Variants in TEK observed in about 807,000 individuals in gnomAD.
TEK encodes TEK receptor tyrosine kinase, also known as angiopoietin-1 receptor.
A neutral mutation model predicts 131.8 loss-of-function variants in TEK; 43 were observed. That is an observed-to-expected ratio of 0.33 (90% confidence interval 0.26 to 0.42). The LOEUF (loss-of-function observed/expected upper bound fraction) is 0.42. TEK is among the 10% of genes least tolerant of loss of function. The pLI is 1.00. For missense variants in TEK, 1,162 were observed against 1,384.4 expected (o/e 0.84, Z 2.55); for synonymous variants, 580 against 491.6 (o/e 1.18, Z -2.38).
chr9:27,192,874 C>G (rs912073864), intron 11 of TEK, among the ~76,000 whole-genome samples: 3 of 152,134 alleles, frequency 2.0e-5, no homozygotes, highest in Non-Finnish European at 4.4e-5. Context: ...TCTGTAGGGA[C>G]AGAGAAGGAA....
intron 3 of TEK, 98 bp downstream of exon 3, chr9:27,168,703 T>A: frequency 1.0e-6 from 1 of 963,170 alleles, no homozygotes; most frequent in South Asian, 1.4e-5. Context: ...TGTGGGCAGA[T>A]GTTTGAATTA....
At chr9:27,182,291 C>T (rs1321959224) in intron 7 of TEK, among the ~76,000 whole-genome samples, 2 of 152,148 alleles carry the variant, frequency 1.3e-5, no homozygotes, top group Non-Finnish European at 2.9e-5. Context: ...GCACATCCAC[C>T]TTCACCCCCA....
At chr9:27,190,983 T>C (rs1474028580) in intron 10 of TEK, among the ~76,000 whole-genome samples, 1 of 152,158 alleles carries the variant, frequency 6.6e-6, no homozygotes, top group African/African-American at 2.4e-5. Flanking sequence ...AGTTATTCTA[T>C]CTTGGCTGGT....
chr9:27,196,313 C>T (rs939427468), intron 11 of TEK, among the ~76,000 whole-genome samples: 12 of 152,018 alleles, frequency 7.9e-5, no homozygotes, highest in African/African-American at 2.4e-4. Context: ...AAGCAGTTTC[C>T]TATTTTGAGT....
intron 1 of TEK, among the ~76,000 whole-genome samples, chr9:27,124,821 G>A (rs1056590872): frequency 1.3e-5 from 2 of 152,134 alleles, no homozygotes; most frequent in Non-Finnish European, 2.9e-5. Flanking sequence ...ATTAGTGACA[G>A]TACTAATATT....
At chr9:27,206,907 CTG>C in intron 15 of TEK, 115 bp downstream of exon 15, 1 of 1,151,202 alleles carries the variant, frequency 8.7e-7, no homozygotes. Flanking sequence ...TCAGACATAG[CTG>C]TTATTTGCAA....
In TEK at chr9:27,202,735, C is replaced by A; in HGVS notation, c.1910-85C>A. The A allele has an allele frequency of 2.8e-6, 4 of 1,429,746 alleles. No individual in the cohort carries two copies. The South Asian group carries it at 3.5e-5, about 12-fold the overall frequency. The allele number at this position is 1,429,746 out of a possible 1,614,324, so 88.6% of individuals were successfully genotyped here. On this transcript the variant is annotated intron_variant, in intron 12 of 22. Transcript: ENST00000380036. ...AAAACATTTGTTTGCCTTATATGAG[C>A]TGACATGAACTCTATCTCAAAAGCA... is the stretch of plus-strand genomic sequence containing the variant.
rs1372910554 is a variant in TEK at position 27,109,339 on chromosome 9, AT to A, written c.-251del. The A allele has an allele frequency of 1.7e-6, 1 of 598,650 alleles. No homozygotes were observed. The highest frequency in any genetic ancestry group is 1.9e-5 in the African/African-American group (1 of 53,788). The allele number at this position is 598,650 out of a possible 1,614,324, so 37.1% of individuals were successfully genotyped here. A position where few individuals can be genotyped will look rare whatever the true frequency, so the allele number is the denominator to read the frequency against. On this transcript the variant is annotated 5_prime_UTR_variant, in exon 1 of 23. An upstream start codon of the reference 5' UTR is lost. Coordinates refer to ENST00000380036, the MANE Select transcript of TEK (RefSeq NM_000459.5). Reference sequence around the variant, plus strand: ...GTGCCCCCAGCCCTGCTGATACCAAATGCCTTTAAGATACAGCCTTTCCCAT... The same window carrying A: ...GTGCCCCCAGCCCTGCTGATACCAAAGCCTTTAAGATACAGCCTTTCCCAT...
rs1821246317 is a variant in TEK at position 27,109,477 on chromosome 9, A to G, written c.-114A>G. 9.3e-7 allele frequency: 1 copy of G among 1,079,390 alleles called. No individual in the cohort carries two copies. The highest frequency in any genetic ancestry group is 1.4e-6 in the Non-Finnish European group (1 of 693,764). 66.9% of individuals were successfully genotyped at this position (1,079,390 alleles called of 1,614,324 possible). ...TGTTCCTTCTTGCCTCTAACTTGTAAACAAGACGTAGTAGGACGATGCTAA... is the reference window on the plus strand; with the variant it reads ...TGTTCCTTCTTGCCTCTAACTTGTAGACAAGACGTAGTAGGACGATGCTAA... On this transcript the variant is annotated 5_prime_UTR_variant, in exon 1 of 23. An upstream open reading frame in the 5' UTR loses its in-frame stop. Transcript: ENST00000380036.
Position 27,169,350 on chromosome 9 carries a change from C to A in TEK, c.476-127C>A, listed in dbSNP as rs180927653. 50 of 1,234,762 alleles carry A rather than the reference C, an allele frequency of 4.0e-5. No homozygotes were observed. In the African/African-American group the frequency reaches 5.2e-4, roughly 13 times the overall value. 76.5% of individuals were successfully genotyped at this position (1,234,762 alleles called of 1,614,324 possible). ...TAGTTCAGCATTTTCATTCTTCTCC[C>A]ACATCCAATATGTGAGAGCACATTT... is the stretch of plus-strand genomic sequence containing the variant. On this transcript the variant is annotated intron_variant, in intron 3 of 22. Coordinates refer to ENST00000380036, the MANE Select transcript of TEK (RefSeq NM_000459.5).
intron 3 of TEK, 59 bp downstream of exon 3, chr9:27,168,664 C>A: frequency 8.3e-7 from 1 of 1,204,214 alleles, no homozygotes; most frequent in Non-Finnish European, 1.2e-6. Flanking sequence ...TAACATACAA[C>A]ATATTGAATC....
At chr9:27,168,204 C>T (rs1211485696) in intron 2 of TEK, among the ~76,000 whole-genome samples, 1 of 152,186 alleles carries the variant, frequency 6.6e-6, no homozygotes, top group Admixed American at 6.5e-5. Context: ...AACTAATCAA[C>T]ACAAAGTCCT....
chr9:27,229,838 G>A lies in TEK; in HGVS notation c.*606G>A, dbSNP rs1382889727. On this transcript the variant is annotated 3_prime_UTR_variant, in exon 23 of 23. Transcript: ENST00000380036. Reference sequence around the variant, plus strand: ...TGTCTTGTGTTTCCACAGCCTGCAAGTCAGTCCAGGATGCTAACATCTAAA... The same window carrying A: ...TGTCTTGTGTTTCCACAGCCTGCAAATCAGTCCAGGATGCTAACATCTAAA... The A allele has an allele frequency of 6.4e-6, 1 of 156,388 alleles. No homozygotes were observed. Among genetic ancestry groups the A allele is most frequent in the African/African-American group, 2.4e-5 (1 of 41,444 alleles). The allele number at this position is 156,388 out of a possible 1,614,324, so 9.7% of individuals were successfully genotyped here. A position where few individuals can be genotyped will look rare whatever the true frequency, so the allele number is the denominator to read the frequency against.
intron 10 of TEK, among the ~76,000 whole-genome samples, chr9:27,191,574 T>C (rs1298083455): frequency 7.2e-6 from 1 of 139,670 alleles, no homozygotes; most frequent in Non-Finnish European, 1.5e-5. Flanking sequence ...TATATGGAGA[T>C]AATTAAGAAA....
chr9:27,196,079 A>T (rs1824997839), intron 11 of TEK, among the ~76,000 whole-genome samples: 1 of 152,226 alleles, frequency 6.6e-6, no homozygotes, highest in African/African-American at 2.4e-5. Flanking sequence ...AAATTGCTTT[A>T]CAATGTATTG....
chr9:27,213,422 A>C, intron 17 of TEK, 62 bp from the exon 18 acceptor site: 1 of 1,257,986 alleles, frequency 7.9e-7, no homozygotes, highest in Non-Finnish European at 1.2e-6. Flanking sequence ...CCTGTTCCCC[A>C]AAGTTTTCAG....
At chr9:27,113,294 A>G (rs565319258) in intron 1 of TEK, among the ~76,000 whole-genome samples, 1 of 152,272 alleles carries the variant, frequency 6.6e-6, no homozygotes, top group East Asian at 1.9e-4. Context: ...GAACTCTCTT[A>G]ATAAATGAAG....
intron 1 of TEK, among the ~76,000 whole-genome samples, chr9:27,153,994 T>C (rs988254649): frequency 2.0e-5 from 3 of 152,202 alleles, no homozygotes; most frequent in African/African-American, 7.2e-5. Flanking sequence ...CATTTCCTAT[T>C]ATTAGTTCAA....
chr9:27,136,085 A>ATT (rs36023271), intron 1 of TEK, among the ~76,000 whole-genome samples: 13,411 of 136,886 alleles, frequency 0.098, 897 homozygotes, highest in African/African-American at 0.13. Flanking sequence ...CAGGGCAGTT[A>ATT]TTTTTTTTTT....
Sources: gnomAD v4.1 joint callset for allele counts (sites outside exome capture counted in the v4.1 genomes callset) on GRCh38, gnomAD v4.1.1 for gene constraint, MANE v1.5 for transcripts, NCBI Gene and HGNC (gene_info 2026-07-23, HGNC 2026-07-21) for gene names.